GC: variants seen among roughly 807,000 people sequenced by gnomAD.
GC encodes the protein GC vitamin D binding protein.
A neutral mutation model predicts 56.7 loss-of-function variants in GC; 43 were observed. The ratio of observed to expected loss-of-function variants is 0.76; its 90% CI spans 0.59 to 0.98. The LOEUF (loss-of-function observed/expected upper bound fraction) is 0.98, where lower values mean the gene tolerates loss of function less well. Ranked by LOEUF, GC falls within the 50% of genes least tolerant of loss-of-function variation. The probability of loss-of-function intolerance (pLI) is 0.00; values close to 1 mark genes in which losing one functional copy is unlikely to be tolerated. For synonymous variants in GC, 216 were observed against 202.7 expected (o/e 1.07, Z -0.56); for missense variants, 529 against 545.9 (o/e 0.97, Z 0.31).
intron 1 of GC, among the ~76,000 whole-genome samples, chr4:71,801,616 G>T (rs547908072): frequency 3.4e-4 from 51 of 152,008 alleles, no homozygotes; most frequent in South Asian, 1.9e-3. Flanking sequence ...CTCCTTAACG[G>T]TTTCTTATGG....
intron 1 of GC, among the ~76,000 whole-genome samples, chr4:71,791,607 G>C (rs1475629536): frequency 1.3e-5 from 2 of 151,806 alleles, no homozygotes; most frequent in African/African-American, 4.8e-5. Context: ...TGTTTCATCA[G>C]AGGTTGTAGT....
At chr4:71,767,117 A>G (rs765491486) in intron 3 of GC, among the ~76,000 whole-genome samples, 5 of 152,198 alleles carry the variant, frequency 3.3e-5, no homozygotes, top group Non-Finnish European at 7.3e-5. Flanking sequence ...GAAGAAAAGG[A>G]TTATAAAATT....
chr4:71,751,477 C>T (rs995038733), intron 11 of GC, among the ~76,000 whole-genome samples: 1 of 152,120 alleles, frequency 6.6e-6, no homozygotes. Flanking sequence ...TTAATACTAT[C>T]AGAGAAAACA....
intron 1 of GC, among the ~76,000 whole-genome samples, chr4:71,781,391 TAAAAA>T (rs1049900927): frequency 6.7e-6 from 1 of 148,944 alleles, no homozygotes; most frequent in African/African-American, 2.5e-5. Flanking sequence ...ATAACAATAA[TAAAAA>T]AGAAAACTTG....
intron 2 of GC, among the ~76,000 whole-genome samples, chr4:71,768,956 A>T (rs947275367): frequency 6.6e-6 from 1 of 152,198 alleles, no homozygotes; most frequent in South Asian, 2.1e-4. Flanking sequence ...GCTTCCATCA[A>T]ACCAATCTGG....
chr4:71,756,848 A>G lies in GC; in HGVS notation c.898T>C (p.Cys300Arg), dbSNP rs760898171. 9 of 1,613,472 alleles carry G rather than the reference A, an allele frequency of 5.6e-6. No homozygotes were observed. In the South Asian group the frequency reaches 9.9e-5, roughly 18 times the overall value. The change falls in exon 8 of 13, where the codon TGT (cysteine) becomes CGT (arginine). Residue 300 changes from cysteine to arginine, a missense_variant. By Grantham distance (180) the Cys-to-Arg change is radical. Transcript: ENST00000273951. ...STKNSKFEDC[C>R]QEKTAMDVFV... ...ACGTCCATGGCTGTTTTTTCTTGAC[A>G]ACAGTCTTCAAACTTAGAATTCTTT...
chr4:71,785,437 T>C (rs1439373234), upstream of GC, among the ~76,000 whole-genome samples: 2 of 151,786 alleles, frequency 1.3e-5, no homozygotes, highest in African/African-American at 4.8e-5. Context: ...AAGGATTATC[T>C]ACATGGGCAG....
In GC at chr4:71,763,890, G is replaced by T. The variant is rs769361323; in HGVS notation, c.520C>A (p.Leu174Ile). 6.2e-7 allele frequency: 1 copy of T among 1,610,500 alleles called. No individual in the cohort carries two copies. The highest frequency in any genetic ancestry group is 1.3e-5 in the African/African-American group (1 of 74,986). Residue 174 changes from leucine to isoleucine, a missense_variant, in exon 5 of 13, where the codon CTT becomes ATT. Leu to Ile is a conservative substitution (Grantham distance 5). Transcript: ENST00000273951. ...STNYGQAPLSLLVSYTKSYLS... is the reference protein window; with the variant it reads ...STNYGQAPLSILVSYTKSYLS... ...TAACTCTTGGTGTAACTGACTAAAA[G>T]TGACAGAGGAGCTTGTCCGTAATTA... is the stretch of plus-strand genomic sequence containing the variant.
At chr4:71,780,338 T>A (rs1742633646) in intron 1 of GC, among the ~76,000 whole-genome samples, 2 of 151,934 alleles carry the variant, frequency 1.3e-5, no homozygotes. Context: ...GGACTTCATG[T>A]CTAAAACACC....
chr4:71,772,234 C>T (rs567385053), intron 1 of GC, among the ~76,000 whole-genome samples: 2 of 152,136 alleles, frequency 1.3e-5, no homozygotes, highest in South Asian at 2.1e-4. Flanking sequence ...TTAAGACATA[C>T]ACAAAATAGC....
At chr4:71,794,130 G>T (rs977943799) in intron 1 of GC, among the ~76,000 whole-genome samples, 3 of 152,110 alleles carry the variant, frequency 2.0e-5, no homozygotes, top group African/African-American at 4.8e-5. Context: ...TTTCTGTTGT[G>T]TCTCTGCCAG....
chr4:71,800,490 A>G (rs899445102), intron 1 of GC, among the ~76,000 whole-genome samples: 9 of 152,110 alleles, frequency 5.9e-5, no homozygotes, highest in Admixed American at 3.3e-4. Context: ...ACTGATGGGT[A>G]TTTGGGTTGG....
chr4:71,754,555 C>A (rs2149295840), intron 9 of GC, 47 bp from the exon 10 acceptor site: 1 of 981,816 alleles, frequency 1.0e-6, no homozygotes, highest in South Asian at 1.4e-5. Flanking sequence ...GTCTTGAAAC[C>A]TTGTCCCATC....
intron 11 of GC, among the ~76,000 whole-genome samples, chr4:71,751,158 A>T (rs537792267): frequency 6.6e-6 from 1 of 152,206 alleles, no homozygotes; most frequent in Non-Finnish European, 1.5e-5. Flanking sequence ...AAAATGGAGG[A>T]TGTGAACGTA....
chr4:71,757,377 C>T (rs1373195590), intron 7 of GC, among the ~76,000 whole-genome samples: 1 of 151,968 alleles, frequency 6.6e-6, no homozygotes, highest in Non-Finnish European at 1.5e-5. Context: ...TGGAAAAAGA[C>T]AAGGCAACAC....
chr4:71,775,888 C>G (rs932017060), intron 1 of GC, among the ~76,000 whole-genome samples: 1 of 151,918 alleles, frequency 6.6e-6, no homozygotes, highest in Non-Finnish European at 1.5e-5. Context: ...AAATGGCCAA[C>G]AGGTTTATAA....
intron 6 of GC, among the ~76,000 whole-genome samples, chr4:71,761,092 A>G (rs973488478): frequency 2.6e-5 from 4 of 152,212 alleles, no homozygotes; most frequent in African/African-American, 4.8e-5. Flanking sequence ...TCAGAAGAAG[A>G]CAGGAAAATG....
chr4:71,746,791 A>AAAAAAAAAAAC (rs1741387240), intron 11 of GC, among the ~76,000 whole-genome samples: 1 of 151,598 alleles, frequency 6.6e-6, no homozygotes, highest in South Asian at 2.1e-4. Flanking sequence ...AAAAAAAAAA[A>AAAAAAAAAAAC]AAAACTACTT....
rs758654054 is a variant in GC, at chr4:71,784,007, G to C, written c.12C>G (p.Val4=). Residue 4 remains valine, a synonymous_variant, in exon 1 of 13, where the codon GTC becomes GTG. Transcript: ENST00000273951. The stretch of plus-strand genomic sequence containing the variant: ...ATGCCACAGCAAGCAGTAGTACCAG[G>C]ACCCTCTTCATTTTTCTACCAGAGA... The part of the protein sequence containing the change: MKR[V]LVLLLAVAFG... The C allele has an allele frequency of 6.2e-6, 10 of 1,603,442 alleles. No individual in the cohort carries two copies. The Admixed American group carries it at 1.7e-4, about 27-fold the overall frequency.
Sources: gnomAD v4.1 joint callset for allele counts (sites outside exome capture counted in the v4.1 genomes callset) on GRCh38, gnomAD v4.1.1 for gene constraint, MANE v1.5 for transcripts, NCBI Gene and HGNC (gene_info 2026-07-23, HGNC 2026-07-21) for gene names.